Variants in PAX2 observed in about 807,000 individuals in gnomAD.
PAX2 encodes paired box protein Pax-2.
A neutral mutation model predicts 41.7 loss-of-function variants in PAX2; 9 were observed. The observed-to-expected ratio is 0.22, with a 90% confidence interval of 0.13 to 0.38. The LOEUF (loss-of-function observed/expected upper bound fraction) is 0.38. Ranked by LOEUF, PAX2 falls within the 10% of genes least tolerant of loss-of-function variation. PAX2 has a pLI of 1.00. For missense variants in PAX2, 418 were observed against 531.6 expected, an observed-to-expected ratio of 0.79 and a Z score of 2.10; for synonymous variants, 221 against 212.7, an observed-to-expected ratio of 1.04 and a Z score of -0.34.
At chr10:100,747,813 A>G in intron 1 of PAX2, 1 of 984,578 alleles carries the variant, frequency 1.0e-6, no homozygotes, top group Non-Finnish European at 1.2e-6. Context: ...GAGGAGTGGA[A>G]CCGGGTCCAC....
At chr10:100,801,084 G>A (rs1296709441) in intron 5 of PAX2, among the ~76,000 whole-genome samples, 1 of 152,156 alleles carries the variant, frequency 6.6e-6, no homozygotes, top group Non-Finnish European at 1.5e-5. Flanking sequence ...CCCACACTCT[G>A]GGCTCTGGCT....
chr10:100,761,248 G>A (rs755809473), intron 3 of PAX2, among the ~76,000 whole-genome samples: 1 of 151,914 alleles, frequency 6.6e-6, no homozygotes, highest in Non-Finnish European at 1.5e-5. Flanking sequence ...CTTTGGGGCT[G>A]AGCACTTAGC....
At chr10:100,797,625 A>G (rs1847385874) in intron 5 of PAX2, among the ~76,000 whole-genome samples, 1 of 152,236 alleles carries the variant, frequency 6.6e-6, no homozygotes, top group Admixed American at 6.5e-5. Context: ...CTGGTATCCA[A>G]GTAGAAACTG....
chr10:100,748,906 C>T lies in PAX2; in HGVS notation c.44-840C>T, dbSNP rs1177733468. The T allele has an allele frequency of 1.0e-6, 1 of 985,260 alleles. No individual in the cohort carries two copies. Among genetic ancestry groups the T allele is most frequent in the Non-Finnish European group, 1.2e-6 (1 of 829,928 alleles). 61.0% of individuals were successfully genotyped at this position (985,260 alleles called of 1,614,324 possible). A position where few individuals can be genotyped will look rare whatever the true frequency, so the allele number is the denominator to read the frequency against. On this transcript the variant is annotated intron_variant, in intron 1 of 9. Coordinates refer to ENST00000355243, the MANE Select transcript of PAX2 (RefSeq NM_000278.5). The surrounding 1 kb of genome is among the most constrained non-coding windows in gnomAD (Gnocchi z 5.0). ...CCTATGCCGTGCCACCTGGGCGAGA[C>T]GGTGGGCCCCAACCAGGCTCTGCGA...
At chr10:100,772,515 C>A (rs998080510) in intron 3 of PAX2, among the ~76,000 whole-genome samples, 1 of 152,220 alleles carries the variant, frequency 6.6e-6, no homozygotes, top group African/African-American at 2.4e-5. Context: ...TCTGAGACCA[C>A]TGGCAGAGGC....
chr10:100,744,781 C>A (rs1056003590), upstream of PAX2, among the ~76,000 whole-genome samples: 1 of 152,238 alleles, frequency 6.6e-6, no homozygotes, highest in Non-Finnish European at 1.5e-5. Flanking sequence ...CCCACCGAGG[C>A]AGGTGGGTAC....
chr10:100,785,415 G>C (rs1013144439), intron 5 of PAX2, among the ~76,000 whole-genome samples: 2 of 152,154 alleles, frequency 1.3e-5, no homozygotes, highest in Non-Finnish European at 2.9e-5. Context: ...GATTGCAGGG[G>C]GCCATGATTT....
chr10:100,753,478 C>A (rs1845518568), intron 3 of PAX2, among the ~76,000 whole-genome samples: 1 of 152,214 alleles, frequency 6.6e-6, no homozygotes, highest in Admixed American at 6.5e-5. Context: ...TTTATCAGTT[C>A]TGGGAATTCT....
intron 5 of PAX2, among the ~76,000 whole-genome samples, chr10:100,804,645 GAC>G (rs1420413947): frequency 1.3e-5 from 2 of 151,870 alleles, no homozygotes; most frequent in African/African-American, 4.8e-5. Context: ...ATCACACACA[GAC>G]ACACACATTC....
rs1256404565 is a variant in PAX2 at position 100,791,003 on chromosome 10, G to A, written c.616+9638G>A. ...ACCCTTCGGTGAACCTGAACCTGCT[G>A]ACCTTGACAGCACTAGACAACAGAG... On this transcript the variant is annotated intron_variant, in intron 5 of 9. Transcript: ENST00000355243. This position sits in a 1 kb window ranked among gnomAD's most constrained non-coding sequence, Gnocchi z 4.5. 6.6e-6 allele frequency among the ~76,000 whole-genome samples: 1 copy of A among 152,214 alleles called. No homozygotes were observed. The highest frequency in any genetic ancestry group is 1.5e-5 in the Non-Finnish European group (1 of 68,034).
At chr10:100,753,658 A>G (rs896638023) in intron 3 of PAX2, among the ~76,000 whole-genome samples, 2 of 152,218 alleles carry the variant, frequency 1.3e-5, no homozygotes, top group African/African-American at 2.4e-5. Context: ...GGTTGGCAAG[A>G]AAAGAAGTCC....
intron 3 of PAX2, among the ~76,000 whole-genome samples, chr10:100,757,303 T>C (rs1845669029): frequency 6.6e-6 from 1 of 152,204 alleles, no homozygotes; most frequent in Non-Finnish European, 1.5e-5. Context: ...ATCAGATCAA[T>C]TGGCAAGTAG....
Position 100,806,382 on chromosome 10 carries a change from C to A in PAX2, c.617-48C>A, listed in dbSNP as rs986222778. On this transcript the variant is annotated intron_variant, in intron 5 of 9. Coordinates refer to ENST00000355243, the MANE Select transcript of PAX2 (RefSeq NM_000278.5). ...CTCTTTGCCCTGCACTGTTCCTGTG[C>A]CTCTGCTGGCCTGGCGCTAACGCCC... The A allele has an allele frequency of 2.5e-6, 4 of 1,598,032 alleles. No individual in the cohort carries two copies. The African/African-American group carries it at 4.0e-5, about 16-fold the overall frequency.
chr10:100,817,710 G>A (rs572407263), intron 7 of PAX2, among the ~76,000 whole-genome samples: 3 of 152,112 alleles, frequency 2.0e-5, no homozygotes, highest in Admixed American at 1.3e-4. Context: ...AGCCTCAGGT[G>A]GGGTATGGGG....
chr10:100,827,148 G>A lies in PAX2; in HGVS notation c.1108+53G>A, dbSNP rs1848601284. ...GCTCAGCGCGGCCGCGCGGCTTCTG[G>A]GCACGGTCCCACTCCCGGCGACCCG... On this transcript the variant is annotated intron_variant, in intron 9 of 9. Transcript: ENST00000355243. This position sits in a 1 kb window ranked among gnomAD's most constrained non-coding sequence, Gnocchi z 8.5. The A allele has an allele frequency of 6.9e-6, 10 of 1,452,186 alleles. No homozygotes were observed. Among genetic ancestry groups the A allele is most frequent in the Non-Finnish European group, 7.7e-6 (8 of 1,035,520 alleles). 90.0% of individuals were successfully genotyped at this position (1,452,186 alleles called of 1,614,324 possible). A position where few individuals can be genotyped will look rare whatever the true frequency, so the allele number is the denominator to read the frequency against.
chr10:100,760,152 T>C (rs1845785644), intron 3 of PAX2, among the ~76,000 whole-genome samples: 1 of 152,146 alleles, frequency 6.6e-6, no homozygotes, highest in Admixed American at 6.5e-5. Context: ...TGTGTGCTGG[T>C]GGTATCTAGC....
Position 100,746,144 on chromosome 10 carries a change from G to T in PAX2, c.-117G>T. ...CCCCCGCGCGCCCCGCAGCAGCCGG[G>T]CGTTCACTCATCCTCCCTCCCCCAC... On this transcript the variant is annotated 5_prime_UTR_variant, in exon 1 of 10. Coordinates refer to ENST00000355243, the MANE Select transcript of PAX2 (RefSeq NM_000278.5). 1 of 1,589,268 alleles carries T rather than the reference G, an allele frequency of 6.3e-7. No individual in the cohort carries two copies. The highest frequency in any genetic ancestry group is 8.5e-7 in the Non-Finnish European group (1 of 1,170,218).
chr10:100,781,807 A>G (rs1270300744), intron 5 of PAX2, among the ~76,000 whole-genome samples: 2 of 152,028 alleles, frequency 1.3e-5, no homozygotes, highest in African/African-American at 4.8e-5. Flanking sequence ...ACACCTGCAC[A>G]CCGCCCCCAG....
In PAX2 at chr10:100,824,437, G is replaced by A. The variant is rs116080882; in HGVS notation, c.920-211G>A. Reference sequence around the variant, plus strand: ...AAAGAGCTACACAAAACAGAGATGCGTACACACAGCTGATCATAGACATTT... The same window carrying A: ...AAAGAGCTACACAAAACAGAGATGCATACACACAGCTGATCATAGACATTT... On this transcript the variant is annotated intron_variant, in intron 7 of 9. Transcript: ENST00000355243. The surrounding 1 kb of genome is among the most constrained non-coding windows in gnomAD (Gnocchi z 6.6). 5.1e-3 allele frequency among the ~76,000 whole-genome samples: 758 copies of A among 149,340 alleles called. 5 individuals carry two copies. The highest frequency in any genetic ancestry group is 0.018 in the African/African-American group (715 of 40,524).
Sources: gnomAD v4.1 joint callset for allele counts (sites outside exome capture counted in the v4.1 genomes callset) on GRCh38, gnomAD v4.1.1 for gene constraint, Gnocchi (gnomAD v3.1) non-coding constraint, MANE v1.5 for transcripts, NCBI Gene and HGNC (gene_info 2026-07-23, HGNC 2026-07-21) for gene names.